Variants in GUF1 observed in about 807,000 individuals in gnomAD.
GUF1 encodes GTP binding elongation factor GUF1, also known as translation factor GUF1, mitochondrial.
In GUF1, 78 loss-of-function variants were observed where a neutral mutation model predicts 82.4. The observed-to-expected ratio is 0.95, with a 90% CI of 0.79 to 1.14. The LOEUF (loss-of-function observed/expected upper bound fraction) is 1.14, where lower values mean the gene tolerates loss of function less well. GUF1 is among the 50% of genes most tolerant of loss of function. GUF1 has a pLI of 0.00. For synonymous variants in GUF1, 279 were observed against 282.3 expected, an observed-to-expected ratio of 0.99 and a Z score of 0.12; for missense variants, 814 against 798.2, an observed-to-expected ratio of 1.02 and a Z score of -0.24.
At chr4:44,693,529 C>T (rs563575640) in intron 13 of GUF1, among the ~76,000 whole-genome samples, 1 of 152,058 alleles carries the variant, frequency 6.6e-6, no homozygotes, top group South Asian at 2.1e-4. Context: ...TTTAACAGTA[C>T]TTCTGAAAAT....
At chr4:44,683,112 A>G in intron 5 of GUF1, 123 bp from the exon 6 acceptor site, 1 of 534,506 alleles carries the variant, frequency 1.9e-6, no homozygotes, top group East Asian at 3.5e-5. Flanking sequence ...TGCTTTTGAA[A>G]AAATATTGTA....
intron 1 of GUF1, 63 bp downstream of exon 1, chr4:44,678,850 T>C: frequency 1.4e-6 from 2 of 1,478,074 alleles, no homozygotes; most frequent in Admixed American, 2.7e-5. Context: ...CCATGCGATC[T>C]TGGACATGTA....
chr4:44,690,722 T>TA lies in GUF1; in HGVS notation c.1342dup (p.Arg448LysfsTer16). ...CTGATTTTTCTAATTTTTAGGAACATAGAGAAAAAGAAATTACAATTATCA... is the reference window on the plus strand; with the variant it reads ...CTGATTTTTCTAATTTTTAGGAACATAAGAGAAAAAGAAATTACAATTATCA... On this transcript the variant is annotated frameshift_variant, in exon 12 of 17. Coordinates refer to ENST00000281543, the MANE Select transcript of GUF1 (RefSeq NM_021927.3). LOFTEE classifies it high-confidence loss of function. The TA allele has an allele frequency of 2.0e-6, 3 of 1,537,776 alleles. No homozygotes were observed. Among genetic ancestry groups the TA allele is most frequent in the Non-Finnish European group, 2.7e-6 (3 of 1,124,970 alleles).
chr4:44,687,982 A>T, intron 8 of GUF1, 25 bp from the exon 9 acceptor site: 1 of 1,596,718 alleles, frequency 6.3e-7, no homozygotes, highest in Middle Eastern at 1.7e-4. Flanking sequence ...AGCAGTAAAT[A>T]TTTGCATATA....
chr4:44,691,340 G>A (rs1715429597), intron 12 of GUF1, among the ~76,000 whole-genome samples: 1 of 151,590 alleles, frequency 6.6e-6, no homozygotes, highest in Admixed American at 6.6e-5. Context: ...GCTTTGATTA[G>A]GTTAAAAACT....
Position 44,680,507 on chromosome 4 carries a change from G to A in GUF1, c.232G>A (p.Asp78Asn). ...AAATTTCAGTATTGTTGCACACGTG[G>A]ATCATGGCAAAAGTACTTTAGCTGA... ...IRNFSIVAHV[D>N]HGKSTLADRL... The change falls in exon 2 of 17, where the codon GAT (aspartate) becomes AAT (asparagine). Residue 78 changes from aspartate to asparagine, a missense_variant. Transcript: ENST00000281543. 6.2e-7 allele frequency: 1 copy of A among 1,610,018 alleles called. No individual in the cohort carries two copies. The highest frequency in any genetic ancestry group is 8.5e-7 in the Non-Finnish European group (1 of 1,177,798).
intron 1 of GUF1, among the ~76,000 whole-genome samples, chr4:44,679,290 T>A (rs1357107269): frequency 1.3e-5 from 2 of 152,222 alleles, no homozygotes; most frequent in African/African-American, 2.4e-5. Context: ...ATACCTAGAA[T>A]GCAGGAAGTT....
rs753743548 is a variant in GUF1 at position 44,688,098 on chromosome 4, G to T, written c.1030G>T (p.Val344Leu). Residue 344 changes from valine to leucine, a missense_variant, in exon 9 of 17, where the codon GTG becomes TTG. Val to Leu is a conservative substitution (Grantham distance 32). Transcript: ENST00000281543. ...GDTLCLHKQP[V>L]EPLPGFKSAK... ...TACATTATGTTTACATAAGCAACCA[G>T]TGGAGCCCTTGCCTGGGTTTAAATC... 5 of 1,612,326 alleles carry T rather than the reference G, an allele frequency of 3.1e-6. No homozygotes were observed. In the East Asian group the frequency reaches 8.9e-5, roughly 29 times the overall value.
At chr4:44,679,161 C>T (rs1490710199) in intron 1 of GUF1, among the ~76,000 whole-genome samples, 3 of 152,124 alleles carry the variant, frequency 2.0e-5, no homozygotes, top group Non-Finnish European at 2.9e-5. Flanking sequence ...GCTATGTGGC[C>T]TGGGCAAGTT....
intron 15 of GUF1, among the ~76,000 whole-genome samples, chr4:44,696,642 A>G (rs1274838203): frequency 6.6e-6 from 1 of 152,204 alleles, no homozygotes; most frequent in African/African-American, 2.4e-5. Context: ...TCATGTTAAT[A>G]TAGACTTGAG....
At position 44,682,390 on chromosome 4, in the gene GUF1, G is replaced by A. The variant is rs538022720; in HGVS notation, c.564G>A (p.Ser188=). The A allele has an allele frequency of 1.2e-5, 19 of 1,523,278 alleles. 1 individual carries two copies. The highest frequency in any genetic ancestry group is 4.5e-5 in the Admixed American group (2 of 44,788). The allele number at this position is 1,523,278 out of a possible 1,614,324, so 94.4% of individuals were successfully genotyped here. The change falls in exon 5 of 17, where the codon TCG becomes TCA. Residue 188 remains serine, a synonymous_variant. Coordinates refer to ENST00000281543, the MANE Select transcript of GUF1 (RefSeq NM_021927.3). ...TTCTTGCCTTCGAAGCACAGCTATC[G>A]GTAATTCCAGTTATAAATAAGGTAA... ...NFFLAFEAQL[S]VIPVINKIDL...
Position 44,689,351 on chromosome 4 carries a change from A to T in GUF1, c.1144A>T (p.Asn382Tyr). ...GAGTGCTATAGAAAAACTGACTTTAAATGATTCCAGTGTGACCGTTCATCG... is the reference window on the plus strand; with the variant it reads ...GAGTGCTATAGAAAAACTGACTTTATATGATTCCAGTGTGACCGTTCATCG... ...LKSAIEKLTL[N>Y]DSSVTVHRDS... Residue 382 changes from asparagine to tyrosine, a missense_variant, in exon 10 of 17, where the codon AAT becomes TAT. By Grantham distance (143) the Asn-to-Tyr change is moderately radical. Transcript: ENST00000281543. The T allele has an allele frequency of 6.2e-7, 1 of 1,610,814 alleles. No individual in the cohort carries two copies. The highest frequency in any genetic ancestry group is 8.5e-7 in the Non-Finnish European group (1 of 1,177,876).
chr4:44,686,436 T>G, intron 7 of GUF1, 74 bp from the exon 8 acceptor site: 1 of 916,402 alleles, frequency 1.1e-6, no homozygotes. Context: ...GTACAATATC[T>G]AAGTTGAAAA....
At chr4:44,688,245 A>G in intron 9 of GUF1, 99 bp downstream of exon 9, 1 of 1,146,502 alleles carries the variant, frequency 8.7e-7, no homozygotes, top group Non-Finnish European at 1.3e-6. Context: ...TGGTTATTTT[A>G]AATAACCACT....
chr4:44,686,475 T>G (rs1056152345), intron 7 of GUF1, 35 bp from the exon 8 acceptor site: 1 of 1,227,840 alleles, frequency 8.1e-7, no homozygotes, highest in African/African-American at 1.5e-5. Flanking sequence ...TTTAATTTAG[T>G]GTATATATAT....
chr4:44,694,290 G>A, intron 13 of GUF1, 122 bp from the exon 14 acceptor site: 1 of 657,814 alleles, frequency 1.5e-6, no homozygotes, highest in Non-Finnish European at 2.7e-6. Flanking sequence ...TATTTTGATG[G>A]AAACATATCT....
chr4:44,688,010 T>C lies in GUF1; in HGVS notation c.942T>C (p.Tyr314=), dbSNP rs1404312950. The C allele has an allele frequency of 6.2e-7, 1 of 1,610,970 alleles. No homozygotes were observed. The highest frequency in any genetic ancestry group is 1.1e-5 in the South Asian group (1 of 90,822). ...NPNEQPTHKL[Y]AGQVGYLIAG... Reference sequence around the variant, plus strand: ...TGCATATAATAATTTTATTTAGATATGCAGGACAGGTGGGCTATCTGATTG... The same window carrying C: ...TGCATATAATAATTTTATTTAGATACGCAGGACAGGTGGGCTATCTGATTG... Residue 314 remains tyrosine (Y), a synonymous_variant, in exon 9 of 17, where the codon TAT becomes TAC. Transcript: ENST00000281543.
intron 13 of GUF1, 94 bp from the exon 14 acceptor site, chr4:44,694,318 C>G: frequency 1.3e-6 from 1 of 747,610 alleles, no homozygotes; most frequent in Non-Finnish European, 2.4e-6. Flanking sequence ...GAGTGTAATG[C>G]GGTAGAAAGT....
intron 10 of GUF1, 138 bp downstream of exon 10, chr4:44,689,547 A>G: frequency 2.0e-6 from 2 of 1,013,562 alleles, no homozygotes; most frequent in Non-Finnish European, 2.7e-6. Flanking sequence ...TTGTTCTGGA[A>G]CATTTACTGA....
Sources: gnomAD v4.1 joint callset for allele counts (sites outside exome capture counted in the v4.1 genomes callset) on GRCh38, gnomAD v4.1.1 for gene constraint, MANE v1.5 for transcripts, NCBI Gene and HGNC (gene_info 2026-07-23, HGNC 2026-07-21) for gene names.